Variants in CNTNAP5 observed in about 807,000 individuals in gnomAD.
The protein encoded by CNTNAP5 is contactin-associated protein-like 5.
CNTNAP5 carries 72 observed loss-of-function variants against 150.2 expected under a neutral mutation model. The ratio of observed to expected loss-of-function variants is 0.48; its 90% confidence interval spans 0.40 to 0.58. The LOEUF (loss-of-function observed/expected upper bound fraction) is 0.58, where lower values mean the gene tolerates loss of function less well. CNTNAP5 is among the 20% of genes least tolerant of loss of function. The pLI is 0.00. For missense variants in CNTNAP5, 1,636 were observed against 1,626.2 expected (o/e 1.01, Z -0.10); for synonymous variants, 672 against 619.8 (o/e 1.08, Z -1.25).
intron 1 of CNTNAP5, among the ~76,000 whole-genome samples, chr2:124,041,081 A>T (rs1681358775): frequency 6.6e-6 from 1 of 152,238 alleles, no homozygotes; most frequent in Non-Finnish European, 1.5e-5. Context: ...ACTGTGGCTT[A>T]GTAGTCAAGG....
chr2:124,863,217 G>A (rs554662487), intron 19 of CNTNAP5, among the ~76,000 whole-genome samples: 2 of 152,268 alleles, frequency 1.3e-5, no homozygotes, highest in East Asian at 3.9e-4. Flanking sequence ...ATCACACACT[G>A]GTTTATTTTA....
chr2:124,865,704 G>A (rs574328600), intron 20 of CNTNAP5, among the ~76,000 whole-genome samples: 17 of 152,238 alleles, frequency 1.1e-4, no homozygotes, highest in Non-Finnish European at 5.9e-5. Flanking sequence ...CCAGCACTTT[G>A]GGAGTCTGAG....
At chr2:124,181,359 A>G (rs1685203462) in intron 1 of CNTNAP5, among the ~76,000 whole-genome samples, 1 of 152,232 alleles carries the variant, frequency 6.6e-6, no homozygotes, top group East Asian at 1.9e-4. Flanking sequence ...TTTTTTGTAT[A>G]TAATCAAGCT....
chr2:124,381,539 C>A (rs536374717), intron 3 of CNTNAP5, among the ~76,000 whole-genome samples: 27 of 152,044 alleles, frequency 1.8e-4, no homozygotes, highest in Admixed American at 3.3e-4. Context: ...ATCACCCCCC[C>A]CTCCAAGACT....
At chr2:124,683,704 T>C (rs1679121761) in intron 13 of CNTNAP5, among the ~76,000 whole-genome samples, 1 of 152,200 alleles carries the variant, frequency 6.6e-6, no homozygotes, top group South Asian at 2.1e-4. Flanking sequence ...GGAATATTTG[T>C]GGCTTTGCTC....
chr2:124,687,411 G>T (rs1679214333), intron 13 of CNTNAP5, among the ~76,000 whole-genome samples: 1 of 151,984 alleles, frequency 6.6e-6, no homozygotes, highest in African/African-American at 2.4e-5. Context: ...CATTTCATTA[G>T]ATATGTTTAA....
chr2:124,475,092 C>T lies in CNTNAP5; in HGVS notation c.1062+210C>T, dbSNP rs1693608708. On this transcript the variant is annotated intron_variant, in intron 7 of 23. Coordinates refer to ENST00000682447, the MANE Select transcript of CNTNAP5 (RefSeq NM_001367498.1). Reference sequence around the variant, plus strand: ...GTGGAAGAAACAAAGACATTAGGGCCATCCAGAGAATTCATTTTTTTTTTT... The same window carrying T: ...GTGGAAGAAACAAAGACATTAGGGCTATCCAGAGAATTCATTTTTTTTTTT... Among the ~76,000 whole-genome samples the T allele has an allele frequency of 2.0e-5, 3 of 152,034 alleles. No individual in the cohort carries two copies. The South Asian group carries it at 6.2e-4, about 32-fold the overall frequency.
At chr2:124,040,802 G>C (rs148922700) in intron 1 of CNTNAP5, among the ~76,000 whole-genome samples, 1 of 152,022 alleles carries the variant, frequency 6.6e-6, no homozygotes, top group African/African-American at 2.4e-5. Flanking sequence ...TTAATTTTGC[G>C]TACTGGGTCA....
chr2:124,028,705 G>C (rs1261914286), intron 1 of CNTNAP5, among the ~76,000 whole-genome samples: 1 of 152,064 alleles, frequency 6.6e-6, no homozygotes, highest in East Asian at 1.9e-4. Context: ...GATATGACTT[G>C]ATAGTTGGTT....
At position 124,847,687 on chromosome 2, in the gene CNTNAP5, A is replaced by T. The variant is rs1450257240; in HGVS notation, c.3218-17619A>T. On this transcript the variant is annotated intron_variant, in intron 19 of 23. Coordinates refer to ENST00000682447, the MANE Select transcript of CNTNAP5 (RefSeq NM_001367498.1). ...GTAGTTCTTGGAGCAAAAGTTTACG[A>T]CGTGAGTCTCCACACACTGCTCTGT... Among the ~76,000 whole-genome samples, 4 of 152,138 alleles carry T rather than the reference A, an allele frequency of 2.6e-5. No individual in the cohort carries two copies. The East Asian group carries it at 7.7e-4, about 29-fold the overall frequency.
intron 1 of CNTNAP5, among the ~76,000 whole-genome samples, chr2:124,212,034 A>T (rs1232309564): frequency 2.0e-5 from 3 of 152,128 alleles, no homozygotes; most frequent in Non-Finnish European, 4.4e-5. Context: ...TAGAAGAGAA[A>T]CTCTCAATTC....
At chr2:124,072,443 T>A (rs1682329889) in intron 1 of CNTNAP5, among the ~76,000 whole-genome samples, 1 of 151,960 alleles carries the variant, frequency 6.6e-6, no homozygotes, top group South Asian at 2.1e-4. Flanking sequence ...CAAAGTACTT[T>A]GTTTGCAGAC....
chr2:124,088,359 C>T (rs933146653), intron 1 of CNTNAP5, among the ~76,000 whole-genome samples: 5 of 152,114 alleles, frequency 3.3e-5, no homozygotes, highest in South Asian at 2.1e-4. Flanking sequence ...TTGTTTCCAG[C>T]GTGTTCATAA....
chr2:124,177,928 C>G (rs1010973385), intron 1 of CNTNAP5, among the ~76,000 whole-genome samples: 1 of 151,046 alleles, frequency 6.6e-6, no homozygotes, highest in African/African-American at 2.4e-5. Context: ...CTCACTGCAA[C>G]CTCTGCCTCC....
chr2:124,418,327 C>T (rs942232277), intron 4 of CNTNAP5, among the ~76,000 whole-genome samples: 3 of 152,150 alleles, frequency 2.0e-5, no homozygotes, highest in African/African-American at 7.2e-5. Context: ...ATCACTAACA[C>T]TTTCATCCAA....
intron 19 of CNTNAP5, among the ~76,000 whole-genome samples, chr2:124,821,708 C>G (rs1682495587): frequency 1.3e-5 from 2 of 152,182 alleles, no homozygotes; most frequent in Non-Finnish European, 2.9e-5. Flanking sequence ...AGCAGCCCCA[C>G]AGTAGTAGCT....
intron 6 of CNTNAP5, among the ~76,000 whole-genome samples, chr2:124,453,570 A>T (rs191496630): frequency 6.6e-6 from 1 of 152,206 alleles, no homozygotes; most frequent in Non-Finnish European, 1.5e-5. Flanking sequence ...CATTGCCTAG[A>T]CACATTGTCA....
At chr2:124,076,653 G>C (rs1053034509) in intron 1 of CNTNAP5, among the ~76,000 whole-genome samples, 1 of 152,050 alleles carries the variant, frequency 6.6e-6, no homozygotes, top group African/African-American at 2.4e-5. Context: ...TTGTCCCTTT[G>C]CATTTGTATA....
At chr2:124,676,778 A>C (rs1419342038) in intron 13 of CNTNAP5, among the ~76,000 whole-genome samples, 1 of 152,248 alleles carries the variant, frequency 6.6e-6, no homozygotes, top group Non-Finnish European at 1.5e-5. Context: ...AAGCCTTGCC[A>C]TTCTTACTGA....
Sources: allele counts gnomAD v4.1 joint callset (sites outside exome capture counted in the v4.1 genomes callset), GRCh38; gene constraint gnomAD v4.1.1; transcripts MANE v1.5; gene names NCBI Gene and HGNC (gene_info 2026-07-23, HGNC 2026-07-21).